APP: variants seen among roughly 807,000 people sequenced by gnomAD.
The protein encoded by APP is amyloid-beta precursor protein.
A neutral mutation model predicts 101.4 loss-of-function variants in APP; 31 were observed. That is an observed-to-expected ratio of 0.31 (90% CI 0.23 to 0.41). APP has a LOEUF of 0.41. APP is among the 10% of genes least tolerant of loss of function. APP has a pLI of 1.00. For synonymous variants in APP, 366 were observed against 364.4 expected (o/e 1.00, Z -0.05); for missense variants, 839 against 1,003.7 (o/e 0.84, Z 2.22).
intron 13 of APP, among the ~76,000 whole-genome samples, chr21:25,929,331 G>GA (rs2040041649): frequency 6.6e-6 from 1 of 151,158 alleles, no homozygotes; most frequent in African/African-American, 2.4e-5. Flanking sequence ...CAAAAATGTA[G>GA]AAAAAAGGAA....
At chr21:25,896,398 T>A (rs78080702) in intron 16 of APP, among the ~76,000 whole-genome samples, 3,850 of 151,322 alleles carry the variant, frequency 0.025, 128 homozygotes, top group East Asian at 0.13. Flanking sequence ...AGACATTTTC[T>A]GCTTGGAAAA....
chr21:26,019,674 TA>T (rs11295670), intron 6 of APP, among the ~76,000 whole-genome samples: 152,334 of 152,334 alleles, frequency 1, 76,167 homozygotes, highest in Non-Finnish European at 1. Context: ...AATGGGACAC[TA>T]AACTGGTTCT....
rs45506195 is a variant in APP, at chr21:26,097,852, G to A, written c.226-7780C>T. Among the ~76,000 whole-genome samples the A allele has an allele frequency of 3.0e-3, 460 of 152,158 alleles. 1 individual carries two copies. Among genetic ancestry groups the A allele is most frequent in the African/African-American group, 0.01 (433 of 41,534 alleles). ...TCCCAGCACTTTGGGAGGCCAAGAC[G>A]GGTGGATCACAAGGTCAGTAGATCG... On this transcript the variant is annotated intron_variant, in intron 2 of 17. Coordinates refer to ENST00000346798, the MANE Select transcript of APP (RefSeq NM_000484.4).
intron 14 of APP, among the ~76,000 whole-genome samples, chr21:25,906,820 A>G (rs1164714018): frequency 1.3e-5 from 2 of 151,740 alleles, no homozygotes; most frequent in African/African-American, 2.4e-5. Flanking sequence ...AACAGACCAC[A>G]TGCACGAGGG....
At chr21:26,053,544 T>C (rs2045922164) in intron 3 of APP, 196 bp from the exon 4 acceptor site, 1 of 505,340 alleles carries the variant, frequency 2.0e-6, no homozygotes. Context: ...CCACTTCAAG[T>C]TTGATGGTTA....
chr21:25,981,154 G>A (rs1477378544), intron 9 of APP, among the ~76,000 whole-genome samples: 1 of 152,140 alleles, frequency 6.6e-6, no homozygotes, highest in Non-Finnish European at 1.5e-5. Context: ...ATTTGGCCCT[G>A]GGAGGGAGGA....
intron 15 of APP, among the ~76,000 whole-genome samples, chr21:25,904,026 G>C (rs1206528634): frequency 6.6e-6 from 1 of 152,120 alleles, no homozygotes; most frequent in East Asian, 1.9e-4. Flanking sequence ...ATCTGAACCA[G>C]GCAGCAAAGG....
At chr21:26,055,438 AC>A (rs1412765748) in intron 3 of APP, among the ~76,000 whole-genome samples, 6 of 152,202 alleles carry the variant, frequency 3.9e-5, no homozygotes, top group Admixed American at 3.9e-4. Context: ...CAAAACAAAA[AC>A]AAAAAACACA....
intron 3 of APP, among the ~76,000 whole-genome samples, chr21:26,066,337 C>CAA (rs1262539866): frequency 6.6e-6 from 1 of 152,012 alleles, no homozygotes; most frequent in Non-Finnish European, 1.5e-5. Flanking sequence ...CTTTGCTTAC[C>CAA]CACTTTTAAT....
At chr21:26,018,338 T>C (rs2044192091) in intron 6 of APP, among the ~76,000 whole-genome samples, 1 of 152,234 alleles carries the variant, frequency 6.6e-6, no homozygotes, top group Admixed American at 6.5e-5. Context: ...CCCTGCAGTA[T>C]CTCATCTTTG....
chr21:25,958,369 T>C (rs917035299), intron 11 of APP, among the ~76,000 whole-genome samples: 7 of 152,158 alleles, frequency 4.6e-5, no homozygotes, highest in Non-Finnish European at 8.8e-5. Context: ...CTCCGCCTCC[T>C]GGGTTCAAGT....
chr21:26,132,643 T>C (rs544197518), intron 1 of APP, among the ~76,000 whole-genome samples: 29 of 152,336 alleles, frequency 1.9e-4, no homozygotes, highest in African/African-American at 6.0e-4. Context: ...TATATGTATC[T>C]CCATTAAGCC....
intron 8 of APP, among the ~76,000 whole-genome samples, chr21:25,988,239 G>A (rs984270735): frequency 2.1e-4 from 32 of 152,224 alleles, no homozygotes; most frequent in Non-Finnish European, 1.8e-4. Context: ...AGAGGAAGTA[G>A]TGGGAGAGGC....
intron 2 of APP, among the ~76,000 whole-genome samples, chr21:26,104,189 T>C (rs2062127736): frequency 6.6e-6 from 1 of 150,534 alleles, no homozygotes; most frequent in African/African-American, 2.4e-5. Flanking sequence ...CTAACAGTTA[T>C]CACCTCCCAA....
chr21:26,073,473 T>C (rs2061445274), intron 3 of APP, among the ~76,000 whole-genome samples: 1 of 149,602 alleles, frequency 6.7e-6, no homozygotes, highest in African/African-American at 2.5e-5. Flanking sequence ...AAGGAACAGA[T>C]GCCTGATAAC....
At chr21:26,170,461 CG>C in intron 1 of APP, 102 bp downstream of exon 1, 1 of 1,254,620 alleles carries the variant, frequency 8.0e-7, no homozygotes, top group Non-Finnish European at 1.1e-6. Context: ...GTCCCATTGA[CG>C]GACCCCCGGC....
chr21:25,946,870 C>A (rs2040844839), intron 13 of APP, among the ~76,000 whole-genome samples: 1 of 151,942 alleles, frequency 6.6e-6, no homozygotes, highest in African/African-American at 2.4e-5. Context: ...CCATTTGGAG[C>A]ACAATAAACA....
At position 25,954,704 on chromosome 21, in the gene APP, G is replaced by T; in HGVS notation, c.1588-15C>A. The stretch of plus-strand genomic sequence containing the variant: ...TGTGTCATAACCTGCATCAAAGGAT[G>T]ACAACTCCAGGTCAACAATGTCTGG... On this transcript the variant is annotated splice_polypyrimidine_tract_variant and intron_variant, in intron 12 of 17. Transcript: ENST00000346798. 1 of 1,597,418 alleles carries T rather than the reference G, an allele frequency of 6.3e-7. No homozygotes were observed. The highest frequency in any genetic ancestry group is 1.1e-5 in the South Asian group (1 of 90,544).
chr21:25,951,399 A>G (rs947333226), intron 13 of APP, among the ~76,000 whole-genome samples: 1 of 152,206 alleles, frequency 6.6e-6, no homozygotes, highest in African/African-American at 2.4e-5. Context: ...AACTGTTACC[A>G]TTATTTAATT....
Sources: allele counts gnomAD v4.1 joint callset (sites outside exome capture counted in the v4.1 genomes callset), GRCh38; gene constraint gnomAD v4.1.1; transcripts MANE v1.5; gene names NCBI Gene and HGNC (gene_info 2026-07-23, HGNC 2026-07-21).